The following DLGAP1 variants were observed in gnomAD, a reference collection of about 807,000 sequenced individuals.
The protein encoded by DLGAP1 is DLG associated protein 1.
DLGAP1 carries 11 observed loss-of-function variants against 90.8 expected under a neutral mutation model. The ratio of observed to expected loss-of-function variants is 0.12; its 90% CI spans 0.08 to 0.20. DLGAP1 has a LOEUF of 0.20. DLGAP1 is among the 10% of genes least tolerant of loss of function. The pLI is 1.00. For missense variants in DLGAP1, 1,050 were observed against 1,333.8 expected, an observed-to-expected ratio of 0.79 and a Z score of 3.31; for synonymous variants, 558 against 540.7, an observed-to-expected ratio of 1.03 and a Z score of -0.44.
At chr18:3,545,118 A>C (rs570060723) in intron 9 of DLGAP1, among the ~76,000 whole-genome samples, 1 of 151,972 alleles carries the variant, frequency 6.6e-6, no homozygotes, top group South Asian at 2.1e-4. Flanking sequence ...TACTAATAAT[A>C]TAAAAATTAG....
At chr18:4,161,801 A>G (rs1248571823) in intron 1 of DLGAP1, among the ~76,000 whole-genome samples, 4 of 152,198 alleles carry the variant, frequency 2.6e-5, no homozygotes, top group Non-Finnish European at 5.9e-5. Context: ...GCAGAGAATT[A>G]CGTACCTTTA....
intron 2 of DLGAP1, among the ~76,000 whole-genome samples, chr18:4,030,261 G>C (rs1254072946): frequency 6.6e-6 from 1 of 152,176 alleles, no homozygotes; most frequent in African/African-American, 2.4e-5. Flanking sequence ...AAATATTTTT[G>C]TCTGTCTTAT....
chr18:3,709,323 T>A (rs557893679), intron 7 of DLGAP1, among the ~76,000 whole-genome samples: 28 of 152,278 alleles, frequency 1.8e-4, no homozygotes, highest in African/African-American at 6.7e-4. Flanking sequence ...TTAGGAGCCT[T>A]CCTAAGACTG....
intron 1 of DLGAP1, among the ~76,000 whole-genome samples, chr18:4,421,158 T>C (rs2083020177): frequency 6.6e-6 from 1 of 152,202 alleles, no homozygotes; most frequent in Admixed American, 6.5e-5. Flanking sequence ...AAGGTGTTGG[T>C]AGAACCATGC....
chr18:3,731,795 A>G (rs951107427), intron 6 of DLGAP1, among the ~76,000 whole-genome samples: 2 of 152,106 alleles, frequency 1.3e-5, no homozygotes, highest in African/African-American at 2.4e-5. Flanking sequence ...CATACAAAAT[A>G]AATATAGAAC....
intron 2 of DLGAP1, among the ~76,000 whole-genome samples, chr18:4,103,426 TAA>T (rs936172655): frequency 6.6e-6 from 1 of 152,150 alleles, no homozygotes; most frequent in Non-Finnish European, 1.5e-5. Context: ...GTTACTATGG[TAA>T]AGAGCACTAA....
At chr18:3,741,082 TCACCATCACCAC>T (rs2062936654) in intron 6 of DLGAP1, among the ~76,000 whole-genome samples, 1 of 41,546 alleles carries the variant, frequency 2.4e-5, no homozygotes, top group Non-Finnish European at 4.5e-5. Flanking sequence ...ACCACCACCA[TCACCATCACCAC>T]CACCACCATC....
chr18:3,582,563 C>A (rs1231005052), intron 7 of DLGAP1, among the ~76,000 whole-genome samples: 1 of 152,078 alleles, frequency 6.6e-6, no homozygotes, highest in African/African-American at 2.4e-5. Flanking sequence ...ACCTTCCCAG[C>A]CAACAAATTG....
chr18:3,787,835 CCT>C (rs1470605429), intron 5 of DLGAP1, among the ~76,000 whole-genome samples: 1 of 152,132 alleles, frequency 6.6e-6, no homozygotes, highest in East Asian at 1.9e-4. Flanking sequence ...AAGCTCTTAT[CCT>C]CTGTCTCTTG....
chr18:4,385,016 A>G (rs1309651646), intron 1 of DLGAP1, among the ~76,000 whole-genome samples: 1 of 152,130 alleles, frequency 6.6e-6, no homozygotes, highest in Non-Finnish European at 1.5e-5. Flanking sequence ...AATGCCTGCA[A>G]CAGTGCCTCA....
chr18:3,802,520 T>C (rs969613356), intron 5 of DLGAP1, among the ~76,000 whole-genome samples: 1 of 152,260 alleles, frequency 6.6e-6, no homozygotes, highest in Admixed American at 6.5e-5. Flanking sequence ...CGTAGTCTGT[T>C]GCCTCTCAGT....
intron 1 of DLGAP1, among the ~76,000 whole-genome samples, chr18:4,151,532 A>G (rs940742938): frequency 1.2e-4 from 19 of 152,238 alleles, no homozygotes; most frequent in Non-Finnish European, 2.2e-4. Context: ...TAGGCTTGAT[A>G]TTCTACAATA....
chr18:3,850,689 G>A (rs541084112), intron 4 of DLGAP1, among the ~76,000 whole-genome samples: 2 of 152,256 alleles, frequency 1.3e-5, no homozygotes, highest in East Asian at 3.9e-4. Context: ...AGCATGATAG[G>A]CTTGACTTTA....
At chr18:3,889,308 C>A (rs1400592990) in intron 3 of DLGAP1, among the ~76,000 whole-genome samples, 1 of 151,980 alleles carries the variant, frequency 6.6e-6, no homozygotes, top group Non-Finnish European at 1.5e-5. Context: ...CTGATGAAAC[C>A]AAGTTATTTT....
chr18:4,448,158 T>C (rs746797573), intron 1 of DLGAP1, among the ~76,000 whole-genome samples: 83 of 152,264 alleles, frequency 5.5e-4, no homozygotes, highest in Non-Finnish European at 9.3e-4. Flanking sequence ...ATCTTCCCTA[T>C]TGGAAGCATT....
At chr18:4,322,602 T>G (rs1170551403) in intron 1 of DLGAP1, among the ~76,000 whole-genome samples, 1 of 152,122 alleles carries the variant, frequency 6.6e-6, no homozygotes, top group African/African-American at 2.4e-5. Context: ...TTTTTGGATA[T>G]CACTCTCTGA....
At chr18:3,764,531 C>G (rs2064126328) in intron 5 of DLGAP1, among the ~76,000 whole-genome samples, 1 of 152,210 alleles carries the variant, frequency 6.6e-6, no homozygotes, top group South Asian at 2.1e-4. Context: ...CCTCTCTCAA[C>G]TAAGACAAAG....
At position 4,215,627 on chromosome 18, in the gene DLGAP1, C is replaced by T. The variant is rs1158624212; in HGVS notation, c.-266-64340G>A. On this transcript the variant is annotated intron_variant, in intron 1 of 12. Coordinates refer to ENST00000315677, the MANE Select transcript of DLGAP1 (RefSeq NM_004746.4). ...CCAGTAAGAGGGAAATTTTTTTCCC[C>T]TTTCATTAAAACAGATGGGTTCATT... is the stretch of plus-strand genomic sequence containing the variant. Among the ~76,000 whole-genome samples the T allele has an allele frequency of 2.0e-5, 3 of 152,050 alleles. No homozygotes were observed. The East Asian group carries it at 5.8e-4, about 29-fold the overall frequency.
chr18:3,905,612 T>C (rs1171489051), intron 3 of DLGAP1, among the ~76,000 whole-genome samples: 1 of 152,114 alleles, frequency 6.6e-6, no homozygotes, highest in Non-Finnish European at 1.5e-5. Context: ...GTTATTCCCA[T>C]TGCCCCTCTG....
Sources: allele counts gnomAD v4.1 joint callset (sites outside exome capture counted in the v4.1 genomes callset), GRCh38; gene constraint gnomAD v4.1.1; transcripts MANE v1.5; gene names NCBI Gene and HGNC (gene_info 2026-07-23, HGNC 2026-07-21).